SCAPER: variants seen among roughly 807,000 people sequenced by gnomAD.
The protein encoded by SCAPER is S phase cyclin A-associated protein in the endoplasmic reticulum.
SCAPER carries 98 observed loss-of-function variants against 182.2 expected under a neutral mutation model. That is an observed-to-expected ratio of 0.54 (90% CI 0.46 to 0.64). The LOEUF (loss-of-function observed/expected upper bound fraction) is 0.64, where lower values mean the gene tolerates loss of function less well. SCAPER is among the 30% of genes least tolerant of loss of function. SCAPER has a pLI of 0.00. For missense variants in SCAPER, 1,432 were observed against 1,690.0 expected, an observed-to-expected ratio of 0.85 and a Z score of 2.68; for synonymous variants, 605 against 564.6, an observed-to-expected ratio of 1.07 and a Z score of -1.01.
Position 76,603,301 on chromosome 15 carries a change from G to C in SCAPER, c.2711+18463C>G, listed in dbSNP as rs554452319. On this transcript the variant is annotated intron_variant, in intron 22 of 31. Transcript: ENST00000563290. ...ACATGCGGTGTTTTTTTGTCCTTGC[G>C]ATAGTTTGCTGAGAATGATGATTTC... Among the ~76,000 whole-genome samples the C allele has an allele frequency of 2.8e-4, 33 of 119,148 alleles. 9 individuals are homozygous for C. The South Asian group carries it at 7.3e-3, about 26-fold the overall frequency. 78.2% of individuals were successfully genotyped at this position (119,148 alleles called of 152,430 possible). A position where few individuals can be genotyped will look rare whatever the true frequency, so the allele number is the denominator to read the frequency against.
chr15:76,536,980 G>A (rs929512660), intron 23 of SCAPER, among the ~76,000 whole-genome samples: 1 of 151,992 alleles, frequency 6.6e-6, no homozygotes, highest in Non-Finnish European at 1.5e-5. Context: ...GCTTCAAAGA[G>A]AATAAAATAC....
intron 15 of SCAPER, among the ~76,000 whole-genome samples, chr15:76,737,811 C>T (rs974035732): frequency 1.4e-4 from 22 of 152,342 alleles, no homozygotes; most frequent in South Asian, 2.1e-4. Flanking sequence ...GTTATTGAGA[C>T]GGCTTCCTTC....
intron 2 of SCAPER, among the ~76,000 whole-genome samples, chr15:76,875,989 A>G (rs1281472640): frequency 1.3e-5 from 2 of 152,178 alleles, no homozygotes; most frequent in African/African-American, 4.8e-5. Context: ...GGAGGCAGCA[A>G]AGGCCCAGCG....
At chr15:76,476,595 ATTTTTTT>A (rs5813839) in intron 24 of SCAPER, among the ~76,000 whole-genome samples, 47 of 73,528 alleles carry the variant, frequency 6.4e-4, no homozygotes, top group South Asian at 4.8e-3. Context: ...CACCCAGCTA[ATTTTTTT>A]TTTTTTTTTT....
intron 15 of SCAPER, among the ~76,000 whole-genome samples, chr15:76,743,407 T>C (rs2061645577): frequency 6.6e-6 from 1 of 152,116 alleles, no homozygotes. Flanking sequence ...TCATGAATTA[T>C]TCTGCCAAAA....
chr15:76,465,184 CAG>C (rs2049508847), intron 25 of SCAPER, among the ~76,000 whole-genome samples: 1 of 152,126 alleles, frequency 6.6e-6, no homozygotes, highest in Admixed American at 6.6e-5. Flanking sequence ...AAACAACAAA[CAG>C]AAATTTATTT....
intron 1 of SCAPER, among the ~76,000 whole-genome samples, chr15:76,890,710 T>TA (rs2074116708): frequency 1.3e-5 from 2 of 152,112 alleles, no homozygotes; most frequent in East Asian, 1.9e-4. Context: ...CAGGACCAGA[T>TA]AGATTCACAG....
chr15:76,784,325 CA>C (rs1254654222), intron 8 of SCAPER, among the ~76,000 whole-genome samples: 1 of 152,134 alleles, frequency 6.6e-6, no homozygotes, highest in Non-Finnish European at 1.5e-5. Flanking sequence ...AACCAACTTA[CA>C]AGGGACGTGA....
intron 29 of SCAPER, among the ~76,000 whole-genome samples, chr15:76,362,434 A>C (rs1426316447): frequency 1.3e-5 from 2 of 148,358 alleles, no homozygotes; most frequent in Non-Finnish European, 1.5e-5. Context: ...TTTTTTCAAG[A>C]TGGAGTCTTG....
At chr15:76,404,121 A>ATTTC (rs1398190590) in intron 27 of SCAPER, among the ~76,000 whole-genome samples, 1 of 152,208 alleles carries the variant, frequency 6.6e-6, no homozygotes, top group African/African-American at 2.4e-5. Context: ...TATAACTGAA[A>ATTTC]GCACATGAAT....
intron 24 of SCAPER, among the ~76,000 whole-genome samples, chr15:76,485,941 C>T (rs1029379134): frequency 3.3e-5 from 5 of 152,158 alleles, no homozygotes; most frequent in African/African-American, 7.2e-5. Context: ...GGTGCAGTGG[C>T]TCATGCCTGT....
At chr15:76,523,576 A>C (rs534145069) in intron 23 of SCAPER, among the ~76,000 whole-genome samples, 18 of 152,236 alleles carry the variant, frequency 1.2e-4, no homozygotes, top group African/African-American at 4.3e-4. Flanking sequence ...TTCACTCAAT[A>C]AACATTTTTG....
At chr15:76,481,117 A>AT (rs1267816782) in intron 24 of SCAPER, among the ~76,000 whole-genome samples, 2 of 152,130 alleles carry the variant, frequency 1.3e-5, no homozygotes, top group African/African-American at 2.4e-5. Context: ...GAAATATTTT[A>AT]TTTTTTGTAG....
At chr15:76,812,327 C>A (rs1188526930) in intron 5 of SCAPER, among the ~76,000 whole-genome samples, 2 of 148,344 alleles carry the variant, frequency 1.3e-5, no homozygotes, top group Non-Finnish European at 3.0e-5. Context: ...AAAAAAAAAA[C>A]AAAAAACAAA....
At chr15:76,505,249 T>C (rs1437406662) in intron 23 of SCAPER, among the ~76,000 whole-genome samples, 2 of 152,030 alleles carry the variant, frequency 1.3e-5, no homozygotes, top group East Asian at 3.9e-4. Flanking sequence ...ACAAGTGGGA[T>C]CACATCAAGT....
intron 5 of SCAPER, among the ~76,000 whole-genome samples, chr15:76,807,118 C>T (rs2066219038): frequency 6.6e-6 from 1 of 152,214 alleles, no homozygotes; most frequent in Non-Finnish European, 1.5e-5. Flanking sequence ...CAAGAAAAGA[C>T]ATCACTCTCT....
At chr15:76,563,400 G>A (rs1247441541) in intron 23 of SCAPER, among the ~76,000 whole-genome samples, 1 of 152,132 alleles carries the variant, frequency 6.6e-6, no homozygotes, top group East Asian at 1.9e-4. Flanking sequence ...ATACCTCTAT[G>A]CACATAAACT....
intron 28 of SCAPER, 42 bp downstream of exon 28, chr15:76,381,336 A>G (rs749258129): frequency 1.3e-6 from 2 of 1,529,140 alleles, no homozygotes; most frequent in Admixed American, 3.7e-5. Flanking sequence ...TAAAATACTA[A>G]CTCTTGATTG....
At position 76,615,498 on chromosome 15, in the gene SCAPER, C is replaced by CAG. The variant is rs1437441618; in HGVS notation, c.2711+6265_2711+6266insCT. 4.1e-3 allele frequency among the ~76,000 whole-genome samples: 315 copies of CAG among 76,420 alleles called. 2 individuals carry two copies. The highest frequency in any genetic ancestry group is 0.026 in the East Asian group (57 of 2,172). The allele number at this position is 76,420 out of a possible 152,430, so 50.1% of individuals were successfully genotyped here. On this transcript the variant is annotated intron_variant, in intron 22 of 31. Coordinates refer to ENST00000563290, the MANE Select transcript of SCAPER (RefSeq NM_020843.4). The stretch of plus-strand genomic sequence containing the variant: ...ATACATACACACACACACAGACACA[C>CAG]ACACACACACACACACACACACACA...
Sources: gnomAD v4.1 joint callset for allele counts (sites outside exome capture counted in the v4.1 genomes callset) on GRCh38, gnomAD v4.1.1 for gene constraint, MANE v1.5 for transcripts, NCBI Gene and HGNC (gene_info 2026-07-23, HGNC 2026-07-21) for gene names.